The following AGBL1 variants were observed in gnomAD, a reference collection of about 807,000 sequenced individuals.
The protein encoded by AGBL1 is cytosolic carboxypeptidase 4.
In AGBL1, 130 loss-of-function variants were observed where a neutral mutation model predicts 118.9. The observed-to-expected ratio is 1.09, with a 90% confidence interval of 0.95 to 1.26. AGBL1 has a LOEUF of 1.26. Ranked by LOEUF, AGBL1 falls within the 50% of genes most tolerant of loss-of-function variation. The pLI is 0.00. For synonymous variants in AGBL1, 555 were observed against 478.9 expected, an observed-to-expected ratio of 1.16 and a Z score of -2.08; for missense variants, 1,584 against 1,298.1, an observed-to-expected ratio of 1.22 and a Z score of -3.38.
At chr15:86,599,175 T>G (rs62012507) in intron 21 of AGBL1, among the ~76,000 whole-genome samples, 3,839 of 152,240 alleles carry the variant, frequency 0.025, 87 homozygotes, top group East Asian at 0.11. Flanking sequence ...GTTTACTAAG[T>G]TTTTAAGCCA....
At chr15:86,694,575 G>A (rs2086223685) in intron 22 of AGBL1, among the ~76,000 whole-genome samples, 1 of 151,894 alleles carries the variant, frequency 6.6e-6, no homozygotes, top group South Asian at 2.1e-4. Flanking sequence ...TACTGATTTG[G>A]ATGCCATTTA....
chr15:86,446,077 A>C (rs1166247590), intron 18 of AGBL1, among the ~76,000 whole-genome samples: 1 of 152,160 alleles, frequency 6.6e-6, no homozygotes, highest in Non-Finnish European at 1.5e-5. Context: ...AGGAAGCAAG[A>C]CTATACACAG....
intron 19 of AGBL1, among the ~76,000 whole-genome samples, chr15:86,538,320 A>G (rs900398492): frequency 1.3e-5 from 2 of 152,222 alleles, no homozygotes; most frequent in African/African-American, 4.8e-5. Flanking sequence ...TTTTAGGAAT[A>G]AATTCTGCAT....
intron 23 of AGBL1, among the ~76,000 whole-genome samples, chr15:86,971,809 C>G (rs1049038736): frequency 6.6e-6 from 1 of 151,872 alleles, no homozygotes; most frequent in Non-Finnish European, 1.5e-5. Flanking sequence ...CCCATAATCC[C>G]CCTGTGTCAA....
chr15:86,085,256 C>T (rs1895562216), intron 1 of AGBL1, among the ~76,000 whole-genome samples: 1 of 152,100 alleles, frequency 6.6e-6, no homozygotes, highest in Admixed American at 6.5e-5. Flanking sequence ...GGGGGAGGTA[C>T]ATTTACCAGG....
intron 24 of AGBL1, among the ~76,000 whole-genome samples, chr15:87,016,232 G>T (rs2081606950): frequency 6.8e-6 from 1 of 146,498 alleles, no homozygotes; most frequent in Admixed American, 6.9e-5. Flanking sequence ...TAAGGCCCAG[G>T]AATTGGGATT....
chr15:86,307,558 G>T (rs995760306), intron 17 of AGBL1, among the ~76,000 whole-genome samples: 1 of 152,040 alleles, frequency 6.6e-6, no homozygotes, highest in Non-Finnish European at 1.5e-5. Flanking sequence ...GAATAAAAGT[G>T]ATGTGCCTGG....
intron 5 of AGBL1, among the ~76,000 whole-genome samples, chr15:86,179,550 G>A (rs1045282899): frequency 2.0e-5 from 3 of 151,500 alleles, no homozygotes; most frequent in Non-Finnish European, 4.4e-5. Flanking sequence ...GAAATAGAAG[G>A]GAACTTTCTC....
intron 24 of AGBL1, among the ~76,000 whole-genome samples, chr15:87,016,263 A>ATT (rs3030284): frequency 0.89 from 134,881 of 151,998 alleles, 59,980 homozygotes; most frequent in South Asian, 0.98. Flanking sequence ...GTCCCAGGTG[A>ATT]TTTATGTTCA....
chr15:86,220,428 G>A (rs1011278295), intron 5 of AGBL1, among the ~76,000 whole-genome samples: 1 of 152,100 alleles, frequency 6.6e-6, no homozygotes, highest in African/African-American at 2.4e-5. Context: ...GCATTTATAG[G>A]TGCTCCCTAA....
intron 18 of AGBL1, among the ~76,000 whole-genome samples, chr15:86,490,582 A>G (rs2082765841): frequency 6.6e-6 from 1 of 152,080 alleles, no homozygotes; most frequent in Non-Finnish European, 1.5e-5. Context: ...GCATGACAAT[A>G]CCAATGTTCT....
chr15:86,676,585 C>T (rs1469969828), intron 22 of AGBL1, among the ~76,000 whole-genome samples: 3 of 152,054 alleles, frequency 2.0e-5, no homozygotes, highest in Non-Finnish European at 4.4e-5. Flanking sequence ...TTGTTAGTAT[C>T]AGGATTCTTA....
At chr15:86,974,513 T>TGTATATA (rs1567267868) in intron 23 of AGBL1, among the ~76,000 whole-genome samples, 1 of 119,620 alleles carries the variant, frequency 8.4e-6, no homozygotes, top group Non-Finnish European at 1.8e-5. Flanking sequence ...TGAATATAAA[T>TGTATATA]ATATATAATA....
chr15:86,471,332 G>C (rs2082475996), intron 18 of AGBL1, among the ~76,000 whole-genome samples: 1 of 152,068 alleles, frequency 6.6e-6, no homozygotes, highest in Non-Finnish European at 1.5e-5. Context: ...ATTCTATTAA[G>C]ATGGTGTATA....
chr15:86,623,636 A>G (rs2084844262), intron 21 of AGBL1, among the ~76,000 whole-genome samples: 1 of 152,190 alleles, frequency 6.6e-6, no homozygotes, highest in Non-Finnish European at 1.5e-5. Flanking sequence ...ACTCTGAGAT[A>G]CTTCTAGGAA....
At chr15:86,280,473 A>G (rs993518105) in intron 16 of AGBL1, among the ~76,000 whole-genome samples, 1 of 152,206 alleles carries the variant, frequency 6.6e-6, no homozygotes, top group Non-Finnish European at 1.5e-5. Context: ...TGCTTAAACC[A>G]TGCAGCTTTC....
chr15:86,963,562 G>A (rs2081015661), intron 23 of AGBL1, among the ~76,000 whole-genome samples: 1 of 151,912 alleles, frequency 6.6e-6, no homozygotes, highest in Admixed American at 6.6e-5. Context: ...GAAGTTTCAG[G>A]AAACATACAT....
chr15:86,560,962 C>A (rs2083809946), intron 21 of AGBL1, among the ~76,000 whole-genome samples: 2 of 152,298 alleles, frequency 1.3e-5, no homozygotes, highest in African/African-American at 2.4e-5. Context: ...CTGTTCATAT[C>A]ATTTGCCCAC....
chr15:86,305,607 A>G lies in AGBL1; in HGVS notation c.2374+10199A>G, dbSNP rs184447292. 3.9e-5 allele frequency among the ~76,000 whole-genome samples: 6 copies of G among 152,350 alleles called. No individual in the cohort carries two copies. In the East Asian group the frequency reaches 1.2e-3, roughly 29 times the overall value. On this transcript the variant is annotated intron_variant, in intron 17 of 22. Transcript: ENST00000614907. The stretch of plus-strand genomic sequence containing the variant: ...CATGTCATCCTTGTCTAACAAATGC[A>G]TAAATTAGAGTTAGAAATGTGAAAA...
Sources: allele counts gnomAD v4.1 joint callset (sites outside exome capture counted in the v4.1 genomes callset), GRCh38; gene constraint gnomAD v4.1.1; transcripts MANE v1.5; gene names NCBI Gene and HGNC (gene_info 2026-07-23, HGNC 2026-07-21).